DNAL1: variants seen among roughly 807,000 people sequenced by gnomAD.
DNAL1 encodes dynein axonemal light chain 1, also known as chromosome 14 open reading frame 168.
Under a neutral mutation model 29.4 loss-of-function variants are expected in DNAL1, and 17 were observed. The observed-to-expected ratio is 0.58, with a 90% CI of 0.40 to 0.87. The LOEUF is 0.87. DNAL1 is among the 40% of genes least tolerant of loss of function. The probability of loss-of-function intolerance (pLI) is 0.00; values close to 1 mark genes in which losing one functional copy is unlikely to be tolerated. For missense variants in DNAL1, 188 were observed against 214.1 expected (o/e 0.88, Z 0.76); for synonymous variants, 78 against 76.3 (o/e 1.02, Z -0.12).
intron 4 of DNAL1, among the ~76,000 whole-genome samples, chr14:73,665,185 A>C (rs575096371): frequency 6.6e-5 from 10 of 152,182 alleles, no homozygotes; most frequent in Admixed American, 2.0e-4. Flanking sequence ...TTAATCTTCT[A>C]TTTCAGTACC....
intron 3 of DNAL1, among the ~76,000 whole-genome samples, chr14:73,661,154 ACT>A: frequency 6.7e-6 from 1 of 149,920 alleles, no homozygotes; most frequent in African/African-American, 2.5e-5. Context: ...ACAGAGCGAG[ACT>A]CTGTCTAAAA....
intron 4 of DNAL1, among the ~76,000 whole-genome samples, chr14:73,668,817 C>G (rs1891546812): frequency 6.6e-6 from 1 of 152,116 alleles, no homozygotes; most frequent in African/African-American, 2.4e-5. Flanking sequence ...GCTGGGATTA[C>G]AGGGACACAC....
At chr14:73,654,935 T>A in intron 2 of DNAL1, 50 bp downstream of exon 2, 1 of 1,516,800 alleles carries the variant, frequency 6.6e-7, no homozygotes, top group African/African-American at 1.4e-5. Context: ...AGGAAAAATT[T>A]TGGATAGTTA....
intron 4 of DNAL1, among the ~76,000 whole-genome samples, chr14:73,669,649 C>T (rs926634668): frequency 5.3e-5 from 8 of 152,074 alleles, no homozygotes; most frequent in African/African-American, 9.6e-5. Flanking sequence ...AGGCTGGTCT[C>T]GAACTTCTGG....
At chr14:73,660,672 C>T (rs903395323) in intron 3 of DNAL1, among the ~76,000 whole-genome samples, 7 of 152,118 alleles carry the variant, frequency 4.6e-5, no homozygotes, top group Admixed American at 1.3e-4. Flanking sequence ...AGCTTTTGTA[C>T]GCAGCTTGTT....
At chr14:73,665,071 A>G (rs1891446536) in intron 4 of DNAL1, among the ~76,000 whole-genome samples, 1 of 152,334 alleles carries the variant, frequency 6.6e-6, no homozygotes, top group South Asian at 2.1e-4. Context: ...CCTGGTGCAT[A>G]TAAAATGCTC....
chr14:73,646,717 G>T (rs973791131), intron 1 of DNAL1, among the ~76,000 whole-genome samples: 1 of 152,082 alleles, frequency 6.6e-6, no homozygotes, highest in African/African-American at 2.4e-5. Context: ...AGCTGAGATC[G>T]CACCACTGCA....
chr14:73,696,614 A>G lies in DNAL1; in HGVS notation c.*672A>G, dbSNP rs1892308139. 6.6e-6 allele frequency: 1 copy of G among 152,234 alleles called. No individual in the cohort carries two copies. 9.4% of individuals were successfully genotyped at this position (152,234 alleles called of 1,614,324 possible). ...CATGGCCACTTGAGTCATTGTGTACAGTCATTCTGTGATCTCAGTTAGTGG... is the reference window on the plus strand; with the variant it reads ...CATGGCCACTTGAGTCATTGTGTACGGTCATTCTGTGATCTCAGTTAGTGG... On this transcript the variant is annotated 3_prime_UTR_variant, in exon 8 of 8. Transcript: ENST00000553645.
chr14:73,682,337 A>ATTTTTTTTTTTTT (rs57403758), intron 5 of DNAL1, among the ~76,000 whole-genome samples: 7 of 93,414 alleles, frequency 7.5e-5, no homozygotes, highest in Admixed American at 1.4e-4. Flanking sequence ...TGCCTGGCTA[A>ATTTTTTTTTTTTT]TTTTTTTTTT....
At position 73,701,943 on chromosome 14, in the gene DNAL1, G is replaced by A. The variant is rs1892445491; in HGVS notation, c.*6001G>A. On this transcript the variant is annotated 3_prime_UTR_variant, in exon 8 of 8. Coordinates refer to ENST00000553645, the MANE Select transcript of DNAL1 (RefSeq NM_031427.4). ...AAATGGTAATAAATTGTGTTATTTT[G>A]TAAAAAAAAAAAAAAGTATATTTTT... The A allele has an allele frequency of 1.8e-5, 1 of 56,890 alleles. No homozygotes were observed. Among genetic ancestry groups the A allele is most frequent in the Non-Finnish European group, 3.2e-5 (1 of 31,222 alleles). The allele number at this position is 56,890 out of a possible 1,614,324, so 3.5% of individuals were successfully genotyped here. A position where few individuals can be genotyped will look rare whatever the true frequency, so the allele number is the denominator to read the frequency against.
At chr14:73,647,808 C>A (rs886642410) in intron 1 of DNAL1, among the ~76,000 whole-genome samples, 1 of 152,154 alleles carries the variant, frequency 6.6e-6, no homozygotes, top group Non-Finnish European at 1.5e-5. Flanking sequence ...TGTGAAAATA[C>A]TTTTTTATGG....
In DNAL1 at chr14:73,690,049, AAAG is replaced by A. The variant is rs1438992009; in HGVS notation, c.532+537_532+539del. On this transcript the variant is annotated intron_variant, in intron 7 of 7. Coordinates refer to ENST00000553645, the MANE Select transcript of DNAL1 (RefSeq NM_031427.4). ...TGAAATTCCGTCTCAAAAAAAAAAA[AAAG>A]AAAAGAAAAGAAAGCTAGGCCTTAT... Among the ~76,000 whole-genome samples, 138 of 129,840 alleles carry A rather than the reference AAAG, an allele frequency of 1.1e-3. 2 individuals are homozygous for A. Among genetic ancestry groups the A allele is most frequent in the Middle Eastern group, 7.5e-3 (2 of 268 alleles). The allele number at this position is 129,840 out of a possible 152,430, so 85.2% of individuals were successfully genotyped here.
chr14:73,648,740 G>A (rs1891042304), intron 1 of DNAL1, among the ~76,000 whole-genome samples: 1 of 151,104 alleles, frequency 6.6e-6, no homozygotes, highest in Admixed American at 6.6e-5. Flanking sequence ...TTAGTCATCT[G>A]GGTTTCAGTT....
intron 4 of DNAL1, among the ~76,000 whole-genome samples, chr14:73,662,353 A>G: frequency 6.6e-6 from 1 of 152,144 alleles, no homozygotes; most frequent in East Asian, 1.9e-4. Context: ...AACTTGTTAT[A>G]TTTAAATTTT....
At chr14:73,657,873 G>A (rs1891252747) in intron 2 of DNAL1, among the ~76,000 whole-genome samples, 1 of 152,232 alleles carries the variant, frequency 6.6e-6, no homozygotes, top group African/African-American at 2.4e-5. Context: ...GGGATTACAG[G>A]CGTGCACCAC....
At chr14:73,692,253 G>C (rs1320139413) in intron 7 of DNAL1, among the ~76,000 whole-genome samples, 1 of 152,120 alleles carries the variant, frequency 6.6e-6, no homozygotes, top group Non-Finnish European at 1.5e-5. Flanking sequence ...AGGCCGAGGT[G>C]GGTGGATCAC....
Position 73,702,550 on chromosome 14 carries a change from A to C in DNAL1, c.*6608A>C, listed in dbSNP as rs1223817862. The C allele has an allele frequency of 6.6e-6, 1 of 152,040 alleles. No homozygotes were observed. The highest frequency in any genetic ancestry group is 1.5e-5 in the Non-Finnish European group (1 of 68,022). 9.4% of individuals were successfully genotyped at this position (152,040 alleles called of 1,614,324 possible). Reference sequence around the variant, plus strand: ...CTATTTCAAATTATTAGGCTTCTGGAAAGAGTGCTTCCAGGGACAGCAAGT... The same window carrying C: ...CTATTTCAAATTATTAGGCTTCTGGCAAGAGTGCTTCCAGGGACAGCAAGT... On this transcript the variant is annotated 3_prime_UTR_variant, in exon 8 of 8. Coordinates refer to ENST00000553645, the MANE Select transcript of DNAL1 (RefSeq NM_031427.4).
chr14:73,697,274 G>C lies in DNAL1; in HGVS notation c.*1332G>C, dbSNP rs1892320396. 6.6e-6 allele frequency: 1 copy of C among 152,140 alleles called. No individual in the cohort carries two copies. Among genetic ancestry groups the C allele is most frequent in the South Asian group, 2.1e-4 (1 of 4,832 alleles). The allele number at this position is 152,140 out of a possible 1,614,324, so 9.4% of individuals were successfully genotyped here. ...TTGATTCTGGTTTCCCCATCTACTT[G>C]TGTGATTTTACTTGCATAAAATCAC... is the stretch of plus-strand genomic sequence containing the variant. On this transcript the variant is annotated 3_prime_UTR_variant, in exon 8 of 8. Transcript: ENST00000553645.
Position 73,663,068 on chromosome 14 carries a change from A to G in DNAL1, c.208+1026A>G, listed in dbSNP as rs79326781. Among the ~76,000 whole-genome samples the G allele has an allele frequency of 5.7e-3, 871 of 152,258 alleles. 11 individuals are homozygous for G. Among genetic ancestry groups the G allele is most frequent in the African/African-American group, 0.02 (840 of 41,568 alleles). Reference sequence around the variant, plus strand: ...GTCATGTTCTTCAAACATTTTGACCACTTTCCATTGTAAGAAATACATCTG... The same window carrying G: ...GTCATGTTCTTCAAACATTTTGACCGCTTTCCATTGTAAGAAATACATCTG... On this transcript the variant is annotated intron_variant, in intron 4 of 7. Transcript: ENST00000553645.
Sources: gnomAD v4.1 joint callset for allele counts (sites outside exome capture counted in the v4.1 genomes callset) on GRCh38, gnomAD v4.1.1 for gene constraint, MANE v1.5 for transcripts, NCBI Gene and HGNC (gene_info 2026-07-23, HGNC 2026-07-21) for gene names.